Variants in MAL observed in about 807,000 individuals in gnomAD.
MAL encodes the protein mal, T cell differentiation protein (MAL blood group).
A neutral mutation model predicts 16.7 loss-of-function variants in MAL; 5 were observed. The ratio of observed to expected loss-of-function variants is 0.30; its 90% CI spans 0.16 to 0.63. MAL has a LOEUF of 0.63. Among genes scored for constraint, MAL ranks in the 30% least tolerant of loss-of-function variants. MAL has a pLI of 0.82. For missense variants in MAL, 202 were observed against 195.8 expected, an observed-to-expected ratio of 1.03 and a Z score of -0.19; for synonymous variants, 96 against 85.5, an observed-to-expected ratio of 1.12 and a Z score of -0.67.
At chr2:95,026,099 A>C (rs750045823) in intron 1 of MAL, among the ~76,000 whole-genome samples, 3 of 152,070 alleles carry the variant, frequency 2.0e-5, no homozygotes, top group Non-Finnish European at 4.4e-5. Context: ...AACAGTCTAC[A>C]GGACTATGGA....
At chr2:95,051,694 G>C (rs1674725007) in intron 3 of MAL, 1 of 151,808 alleles carries the variant, frequency 6.6e-6, no homozygotes. Flanking sequence ...TTTTTTAGTT[G>C]AGTTGGATAG....
In MAL at chr2:95,025,915, G is replaced by C; in HGVS notation, c.93+30G>C. On this transcript the variant is annotated intron_variant, in intron 1 of 3. Coordinates refer to ENST00000309988, the MANE Select transcript of MAL (RefSeq NM_002371.4). This position sits in a 1 kb window ranked among gnomAD's most constrained non-coding sequence, Gnocchi z 5.6. ...GTGGCTCCTGGCCGGGGAAGGGACGGGGTGGGCTGAGCCGTGCGCTCTCTC... is the reference window on the plus strand; with the variant it reads ...GTGGCTCCTGGCCGGGGAAGGGACGCGGTGGGCTGAGCCGTGCGCTCTCTC... 1 of 1,519,186 alleles carries C rather than the reference G, an allele frequency of 6.6e-7. No individual in the cohort carries two copies. Among genetic ancestry groups the C allele is most frequent in the East Asian group, 2.6e-5 (1 of 38,458 alleles). The allele number at this position is 1,519,186 out of a possible 1,614,324, so 94.1% of individuals were successfully genotyped here.
intron 1 of MAL, among the ~76,000 whole-genome samples, chr2:95,046,993 G>A (rs1213092749): frequency 2.0e-5 from 3 of 149,996 alleles, no homozygotes; most frequent in Admixed American, 6.7e-5. Context: ...AGAAAAAGAA[G>A]GAAGGAAGGA....
intron 3 of MAL, 87 bp from the exon 4 acceptor site, chr2:95,053,293 CT>C (rs995073075): frequency 6.6e-6 from 6 of 904,444 alleles, no homozygotes; most frequent in South Asian, 2.7e-5. Flanking sequence ...CTGGCCCCCC[CT>C]ACGCCACGTG....
intron 1 of MAL, among the ~76,000 whole-genome samples, chr2:95,045,243 A>C (rs558011998): frequency 6.6e-6 from 1 of 152,312 alleles, no homozygotes; most frequent in African/African-American, 2.4e-5. Flanking sequence ...CCTCGATAGC[A>C]TGTGTATAGG....
chr2:95,049,118 C>T (rs1386317176), intron 2 of MAL, among the ~76,000 whole-genome samples: 6 of 152,164 alleles, frequency 3.9e-5, no homozygotes, highest in Non-Finnish European at 8.8e-5. Flanking sequence ...ACGCCCAGCC[C>T]TTTTTTGCTT....
intron 1 of MAL, among the ~76,000 whole-genome samples, chr2:95,038,273 TGAGTGACC>T (rs1674305767): frequency 6.7e-6 from 1 of 149,060 alleles, no homozygotes; most frequent in Non-Finnish European, 1.5e-5. Context: ...AGTGAGAGAC[TGAGTGACC>T]GAGTGGGTGA....
chr2:95,053,696 T>C lies in MAL; in HGVS notation c.*241T>C, dbSNP rs1674771968. The C allele has an allele frequency of 1.9e-6, 1 of 522,448 alleles. No individual in the cohort carries two copies. Among genetic ancestry groups the C allele is most frequent in the Non-Finnish European group, 3.4e-6 (1 of 292,202 alleles). 32.4% of individuals were successfully genotyped at this position (522,448 alleles called of 1,614,324 possible). A position where few individuals can be genotyped will look rare whatever the true frequency, so the allele number is the denominator to read the frequency against. ...TCTAACCTCCAACTGCTGTGCTGTCTGCTAGGGTCACCTCCTGTTTGTGAA... is the reference window on the plus strand; with the variant it reads ...TCTAACCTCCAACTGCTGTGCTGTCCGCTAGGGTCACCTCCTGTTTGTGAA... On this transcript the variant is annotated 3_prime_UTR_variant, in exon 4 of 4. Coordinates refer to ENST00000309988, the MANE Select transcript of MAL (RefSeq NM_002371.4).
chr2:95,051,613 T>G (rs1478590207), intron 3 of MAL: 1 of 151,244 alleles, frequency 6.6e-6, no homozygotes, highest in Admixed American at 6.6e-5. Flanking sequence ...TTCTCATTAC[T>G]GTATAGTATT....
chr2:95,047,869 C>G (rs758296020), intron 1 of MAL, 90 bp from the exon 2 acceptor site: 61 of 1,310,238 alleles, frequency 4.7e-5, no homozygotes, highest in Non-Finnish European at 5.9e-5. Flanking sequence ...TTTTTGCACT[C>G]CAGTCACCCC....
intron 3 of MAL, among the ~76,000 whole-genome samples, chr2:95,052,711 C>A (rs1477816553): frequency 2.6e-5 from 4 of 152,140 alleles, no homozygotes; most frequent in African/African-American, 4.8e-5. Flanking sequence ...CACAGCAAGT[C>A]CCCAGAAAGC....
intron 3 of MAL, among the ~76,000 whole-genome samples, chr2:95,050,970 C>T (rs1474569937): frequency 6.6e-6 from 1 of 152,244 alleles, no homozygotes; most frequent in African/African-American, 2.4e-5. Context: ...CCTCCCCCAT[C>T]CCAGCCAAGC....
intron 1 of MAL, among the ~76,000 whole-genome samples, chr2:95,035,756 G>T (rs1377830399): frequency 1.4e-5 from 2 of 147,182 alleles, no homozygotes. Context: ...TGCAACCTCT[G>T]CCTCCTGGGC....
intron 1 of MAL, among the ~76,000 whole-genome samples, chr2:95,039,436 CTGAGTGAG>C (rs551292618): frequency 2.0e-4 from 19 of 92,860 alleles, no homozygotes; most frequent in South Asian, 1.5e-3. Context: ...GACTGAGTGA[CTGAGTGAG>C]TGAGTGAGTG....
chr2:95,039,448 G>A (rs528409331), intron 1 of MAL, among the ~76,000 whole-genome samples: 2 of 148,088 alleles, frequency 1.4e-5, no homozygotes, highest in South Asian at 4.2e-4. Flanking sequence ...GAGTGAGTGA[G>A]TGAGTGAGTG....
intron 1 of MAL, 37 bp from the exon 2 acceptor site, chr2:95,047,922 C>A: frequency 6.2e-7 from 1 of 1,601,618 alleles, no homozygotes; most frequent in South Asian, 1.1e-5. Context: ...TGGGGCTCTC[C>A]TCTAGGCCAA....
chr2:95,047,091 T>C (rs1674608474), intron 1 of MAL, among the ~76,000 whole-genome samples: 1 of 151,970 alleles, frequency 6.6e-6, no homozygotes, highest in African/African-American at 2.4e-5. Flanking sequence ...GTGTGGTTAA[T>C]TTGTTTTGCC....
chr2:95,045,967 C>T (rs1674577319), intron 1 of MAL, among the ~76,000 whole-genome samples: 1 of 152,208 alleles, frequency 6.6e-6, no homozygotes, highest in African/African-American at 2.4e-5. Flanking sequence ...CCGGCCCTGC[C>T]ACGTGCCTTC....
chr2:95,048,267 C>T (rs903707924), intron 2 of MAL, 141 bp downstream of exon 2: 3 of 932,622 alleles, frequency 3.2e-6, no homozygotes, highest in African/African-American at 1.7e-5. Flanking sequence ...CTGAGCCTGC[C>T]CAGGGCTCCT....
Sources: gnomAD v4.1 joint callset for allele counts (sites outside exome capture counted in the v4.1 genomes callset) on GRCh38, gnomAD v4.1.1 for gene constraint, Gnocchi (gnomAD v3.1) non-coding constraint, MANE v1.5 for transcripts, NCBI Gene and HGNC (gene_info 2026-07-23, HGNC 2026-07-21) for gene names.